The following SNX30 variants were observed in gnomAD, a reference collection of about 807,000 sequenced individuals.
SNX30 encodes the protein sorting nexin-30.
A neutral mutation model predicts 46.4 loss-of-function variants in SNX30; 24 were observed. That is an observed-to-expected ratio of 0.52 (90% CI 0.37 to 0.73). SNX30 has a LOEUF of 0.73. Among genes scored for constraint, SNX30 ranks in the 30% least tolerant of loss-of-function variants. The probability of loss-of-function intolerance (pLI) is 0.00; values close to 1 mark genes in which losing one functional copy is unlikely to be tolerated. For missense variants in SNX30, 533 were observed against 555.7 expected, an observed-to-expected ratio of 0.96 and a Z score of 0.41; for synonymous variants, 189 against 211.5, an observed-to-expected ratio of 0.89 and a Z score of 0.92.
intron 6 of SNX30, among the ~76,000 whole-genome samples, chr9:112,842,189 T>G (rs1239393145): frequency 1.3e-5 from 2 of 152,222 alleles, no homozygotes; most frequent in East Asian, 3.9e-4. Flanking sequence ...GTGATCTGCC[T>G]GCCCTGGCCT....
At chr9:112,868,504 A>G (rs4979175) in intron 8 of SNX30, among the ~76,000 whole-genome samples, 127,266 of 152,186 alleles carry the variant, frequency 0.84, 53,762 homozygotes, top group Non-Finnish European at 0.9. Context: ...TTCCTCCAGT[A>G]AATCCATTTC....
intron 2 of SNX30, among the ~76,000 whole-genome samples, chr9:112,812,914 A>G (rs1489625922): frequency 6.6e-6 from 1 of 152,206 alleles, no homozygotes; most frequent in East Asian, 1.9e-4. Context: ...TGGGAAGCTG[A>G]GGTGGGTGGA....
rs941782140 is a variant in SNX30 at position 112,870,067 on chromosome 9, C to T, written c.*1224C>T. On this transcript the variant is annotated 3_prime_UTR_variant, in exon 9 of 9. Coordinates refer to ENST00000374232, the MANE Select transcript of SNX30 (RefSeq NM_001012994.2). ...AGTCTCCTCAGTGTGCAGCCAGATTCCTGGGGACTGCTGAGTGTGGTTACA... is the reference window on the plus strand; with the variant it reads ...AGTCTCCTCAGTGTGCAGCCAGATTTCTGGGGACTGCTGAGTGTGGTTACA... The T allele has an allele frequency of 6.6e-6, 1 of 152,168 alleles. No individual in the cohort carries two copies. Among genetic ancestry groups the T allele is most frequent in the Admixed American group, 6.5e-5 (1 of 15,272 alleles). 9.4% of individuals were successfully genotyped at this position (152,168 alleles called of 1,614,324 possible). A position where few individuals can be genotyped will look rare whatever the true frequency, so the allele number is the denominator to read the frequency against.
chr9:112,859,651 G>A (rs540887666), intron 7 of SNX30, among the ~76,000 whole-genome samples: 9 of 151,770 alleles, frequency 5.9e-5, no homozygotes, highest in South Asian at 2.1e-4. Flanking sequence ...TTTCTCTGTC[G>A]CCCAGGCTAG....
chr9:112,804,385 A>T (rs1369816744), intron 1 of SNX30, among the ~76,000 whole-genome samples: 5 of 152,152 alleles, frequency 3.3e-5, no homozygotes. Context: ...GGCTGGTCTC[A>T]AACTCGTGAC....
At chr9:112,822,827 G>A (rs1305595673) in intron 3 of SNX30, among the ~76,000 whole-genome samples, 1 of 152,110 alleles carries the variant, frequency 6.6e-6, no homozygotes, top group African/African-American at 2.4e-5. Flanking sequence ...ATCTTTGTCC[G>A]GTGTATCCAC....
chr9:112,831,017 A>G, intron 4 of SNX30, 134 bp downstream of exon 4: 1 of 877,052 alleles, frequency 1.1e-6, no homozygotes, highest in Non-Finnish European at 1.6e-6. Context: ...GTGCGCCTGT[A>G]GTCCCAGCTA....
chr9:112,771,031 C>T lies in SNX30; in HGVS notation c.156+19874C>T, dbSNP rs909793596. Among the ~76,000 whole-genome samples, 14 of 152,106 alleles carry T rather than the reference C, an allele frequency of 9.2e-5. 1 individual carries two copies. The South Asian group carries it at 2.1e-3, about 23-fold the overall frequency. On this transcript the variant is annotated intron_variant, in intron 1 of 8. Transcript: ENST00000374232. ...AATAAACAAACAAACAAAAAACAAA[C>T]TAGTAGCAGACCCCTCCCTGCCCAG...
chr9:112,863,605 T>G (rs1444233935), intron 7 of SNX30, among the ~76,000 whole-genome samples: 1 of 152,250 alleles, frequency 6.6e-6, no homozygotes, highest in Admixed American at 6.5e-5. Context: ...TTGACATGCA[T>G]AAGTAACTTT....
intron 1 of SNX30, among the ~76,000 whole-genome samples, chr9:112,768,623 A>T (rs1379345313): frequency 7.7e-6 from 1 of 129,356 alleles, no homozygotes; most frequent in Admixed American, 7.5e-5. Context: ...TTTTTTGTAA[A>T]GTTTCTCTAG....
At chr9:112,783,095 A>G (rs1287629500) in intron 1 of SNX30, among the ~76,000 whole-genome samples, 2 of 152,198 alleles carry the variant, frequency 1.3e-5, no homozygotes, top group African/African-American at 2.4e-5. Flanking sequence ...CTAATGAAGA[A>G]TTGCTTACCA....
At chr9:112,847,538 T>C (rs1169215011) in intron 6 of SNX30, among the ~76,000 whole-genome samples, 1 of 152,208 alleles carries the variant, frequency 6.6e-6, no homozygotes, top group African/African-American at 2.4e-5. Flanking sequence ...ACACAGTTTC[T>C]GTTTCTTTTT....
chr9:112,786,418 G>A (rs1839927854), intron 1 of SNX30, among the ~76,000 whole-genome samples: 1 of 151,966 alleles, frequency 6.6e-6, no homozygotes. Context: ...ACCCTGCCTG[G>A]CCTCTTGTCT....
intron 1 of SNX30, among the ~76,000 whole-genome samples, chr9:112,785,733 T>G (rs1367891570): frequency 6.6e-6 from 1 of 152,130 alleles, no homozygotes; most frequent in Non-Finnish European, 1.5e-5. Flanking sequence ...TTTCACTAGG[T>G]TGCCTAGGTT....
At chr9:112,756,238 A>G (rs773815714) in intron 1 of SNX30, among the ~76,000 whole-genome samples, 48 of 152,192 alleles carry the variant, frequency 3.2e-4, no homozygotes, top group Non-Finnish European at 5.7e-4. Context: ...ACAAATATCC[A>G]CTACAGACCT....
At chr9:112,771,448 G>C (rs564804701) in intron 1 of SNX30, among the ~76,000 whole-genome samples, 8 of 152,330 alleles carry the variant, frequency 5.3e-5, no homozygotes, top group African/African-American at 1.9e-4. Context: ...AAAACGTTAA[G>C]TTGAAAAAAT....
chr9:112,794,683 A>G (rs1840081814), intron 1 of SNX30, among the ~76,000 whole-genome samples: 2 of 152,200 alleles, frequency 1.3e-5, no homozygotes, highest in Admixed American at 6.5e-5. Context: ...TTAAAACTAT[A>G]TTGGCTCCTA....
chr9:112,850,788 G>A (rs1174941549), intron 6 of SNX30, 71 bp from the exon 7 acceptor site: 2 of 1,160,650 alleles, frequency 1.7e-6, no homozygotes, highest in African/African-American at 1.5e-5. Context: ...GGGAAAAGAA[G>A]CAATTGCCTG....
intron 6 of SNX30, among the ~76,000 whole-genome samples, chr9:112,840,740 A>G (rs1182128716): frequency 2.0e-5 from 3 of 150,874 alleles, no homozygotes; most frequent in African/African-American, 7.3e-5. Context: ...CGGCCTCCCA[A>G]AGTGCTGGGA....
Sources: allele counts gnomAD v4.1 joint callset (sites outside exome capture counted in the v4.1 genomes callset), GRCh38; gene constraint gnomAD v4.1.1; transcripts MANE v1.5; gene names NCBI Gene and HGNC (gene_info 2026-07-23, HGNC 2026-07-21).